The following GRIP1 variants were observed in gnomAD, a reference collection of about 807,000 sequenced individuals.
The protein encoded by GRIP1 is glutamate receptor interacting protein 1, also known as glutamate receptor-interacting protein 1.
A neutral mutation model predicts 129.9 loss-of-function variants in GRIP1; 45 were observed. That is an observed-to-expected ratio of 0.35 (90% CI 0.27 to 0.44). The LOEUF (loss-of-function observed/expected upper bound fraction) is 0.44. Among genes scored for constraint, GRIP1 ranks in the 20% least tolerant of loss-of-function variants. The pLI, the probability that GRIP1 is intolerant of heterozygous loss-of-function variation, is 1.00. For synonymous variants in GRIP1, 530 were observed against 520.8 expected (o/e 1.02, Z -0.24); for missense variants, 1,196 against 1,396.8 (o/e 0.86, Z 2.29).
intron 1 of GRIP1, among the ~76,000 whole-genome samples, chr12:67,067,477 G>A (rs1403154390): frequency 6.6e-6 from 1 of 152,126 alleles, no homozygotes; most frequent in Non-Finnish European, 1.5e-5. Context: ...TATTGGTACT[G>A]CTATTTGCAA....
intron 1 of GRIP1, among the ~76,000 whole-genome samples, chr12:66,830,729 AG>A (rs148345719): frequency 0.048 from 7,246 of 152,268 alleles, 220 homozygotes; most frequent in Middle Eastern, 0.095. Context: ...ACAGAAGCAC[AG>A]GGAAGTTAAA....
intron 1 of GRIP1, among the ~76,000 whole-genome samples, chr12:67,034,460 T>C (rs373466034): frequency 6.6e-6 from 1 of 152,160 alleles, no homozygotes; most frequent in Non-Finnish European, 1.5e-5. Context: ...TGTTACAGTA[T>C]AGAATACTGT....
chr12:66,850,394 T>A (rs1464283815), intron 1 of GRIP1, among the ~76,000 whole-genome samples: 2 of 152,174 alleles, frequency 1.3e-5, no homozygotes. Context: ...CTCTGTTGAA[T>A]AATGAAACTG....
At chr12:66,716,539 T>C (rs1247315742) in intron 1 of GRIP1, among the ~76,000 whole-genome samples, 2 of 151,536 alleles carry the variant, frequency 1.3e-5, no homozygotes, top group African/African-American at 4.8e-5. Flanking sequence ...TTTTAAATTT[T>C]ATTATTATTA....
At chr12:66,963,082 G>A (rs1504304) in intron 1 of GRIP1, among the ~76,000 whole-genome samples, 46,418 of 151,912 alleles carry the variant, frequency 0.31, 7,241 homozygotes, top group African/African-American at 0.38. Flanking sequence ...AGGCCAAGGT[G>A]GGCGAGCTGC....
At chr12:66,990,939 T>C (rs1203699474) in intron 1 of GRIP1, among the ~76,000 whole-genome samples, 2 of 145,532 alleles carry the variant, frequency 1.4e-5, no homozygotes, top group Non-Finnish European at 3.0e-5. Flanking sequence ...ATAGCGCCAT[T>C]ACGCTCCAGC....
chr12:66,476,883 T>C (rs1469834570), intron 7 of GRIP1, among the ~76,000 whole-genome samples: 5 of 152,144 alleles, frequency 3.3e-5, no homozygotes, highest in Non-Finnish European at 5.9e-5. Flanking sequence ...TATCTAAAAA[T>C]AATAAGAACT....
At chr12:67,057,051 A>G (rs886860501) in intron 1 of GRIP1, among the ~76,000 whole-genome samples, 1 of 152,034 alleles carries the variant, frequency 6.6e-6, no homozygotes, top group Non-Finnish European at 1.5e-5. Context: ...CCTGACCTCA[A>G]GTGATATGCC....
intron 23 of GRIP1, among the ~76,000 whole-genome samples, chr12:66,365,268 C>A (rs1388376015): frequency 6.6e-6 from 1 of 151,946 alleles, no homozygotes; most frequent in South Asian, 2.1e-4. Flanking sequence ...AAACCCTGTC[C>A]CTACTAAAAA....
At chr12:66,555,408 G>A (rs1430126551) in intron 2 of GRIP1, among the ~76,000 whole-genome samples, 10 of 152,170 alleles carry the variant, frequency 6.6e-5, no homozygotes, top group East Asian at 1.9e-4. Flanking sequence ...CAACACCCAC[G>A]TCCCTTCAAA....
At chr12:66,360,366 G>A (rs1235802449) in intron 23 of GRIP1, among the ~76,000 whole-genome samples, 1 of 152,070 alleles carries the variant, frequency 6.6e-6, no homozygotes, top group Admixed American at 6.5e-5. Flanking sequence ...TCACCAACCT[G>A]TCAGTTGGCT....
intron 1 of GRIP1, among the ~76,000 whole-genome samples, chr12:67,027,277 G>A (rs887539789): frequency 1.3e-5 from 2 of 152,142 alleles, no homozygotes; most frequent in Admixed American, 6.6e-5. Context: ...GCCTGATGTG[G>A]CACCCACACT....
chr12:66,777,032 C>A (rs79156512), intron 1 of GRIP1, among the ~76,000 whole-genome samples: 3,659 of 152,256 alleles, frequency 0.024, 53 homozygotes, highest in Middle Eastern at 0.065. Context: ...CAGAAACAAC[C>A]TAAGTATCCA....
At chr12:66,544,075 C>A (rs1028131898) in intron 2 of GRIP1, among the ~76,000 whole-genome samples, 40 of 152,202 alleles carry the variant, frequency 2.6e-4, no homozygotes, top group African/African-American at 9.4e-4. Context: ...CAGGTGCTTC[C>A]TGGGCTTCCG....
intron 1 of GRIP1, among the ~76,000 whole-genome samples, chr12:66,998,846 C>T (rs1267426331): frequency 6.6e-6 from 1 of 152,270 alleles, no homozygotes; most frequent in South Asian, 2.1e-4. Context: ...ACATCTTCCT[C>T]TTTACTGAAT....
upstream of GRIP1, chr12:66,679,185 C>A (rs888118317): frequency 7.6e-7 from 1 of 1,318,244 alleles, no homozygotes; most frequent in Admixed American, 3.0e-5. Flanking sequence ...AGCAACAAAG[C>A]ACCAAATTGT....
At chr12:67,041,326 ATG>A (rs756600925) in intron 1 of GRIP1, among the ~76,000 whole-genome samples, 43 of 150,762 alleles carry the variant, frequency 2.9e-4, no homozygotes, top group Non-Finnish European at 4.7e-4. Flanking sequence ...ACACGTGTGT[ATG>A]TGTGTGTGTA....
intron 1 of GRIP1, among the ~76,000 whole-genome samples, chr12:67,061,294 T>C (rs1294532170): frequency 6.6e-6 from 1 of 152,202 alleles, no homozygotes; most frequent in African/African-American, 2.4e-5. Context: ...ATTTCTGGCC[T>C]TTGTGATATA....
intron 11 of GRIP1, among the ~76,000 whole-genome samples, chr12:66,448,810 CT>C (rs1431914718): frequency 4.6e-4 from 70 of 152,336 alleles, no homozygotes; most frequent in African/African-American, 1.7e-3. Flanking sequence ...CCTCCAATTG[CT>C]GCTAGGGTAG....
Sources: allele counts gnomAD v4.1 joint callset (sites outside exome capture counted in the v4.1 genomes callset), GRCh38; gene constraint gnomAD v4.1.1; transcripts MANE v1.5; gene names NCBI Gene and HGNC (gene_info 2026-07-23, HGNC 2026-07-21).